The following ZNF804B variants were observed in gnomAD, a reference collection of about 807,000 sequenced individuals.
ZNF804B encodes zinc finger protein 804B.
A neutral mutation model predicts 101.4 loss-of-function variants in ZNF804B; 80 were observed. That is an observed-to-expected ratio of 0.79 (90% CI 0.66 to 0.95). ZNF804B has a LOEUF of 0.95. Ranked by LOEUF, ZNF804B falls within the 40% of genes least tolerant of loss-of-function variation. The pLI, the probability that ZNF804B is intolerant of heterozygous loss-of-function variation, is 0.00. For missense variants in ZNF804B, 1,673 were observed against 1,561.9 expected (o/e 1.07, Z -1.20); for synonymous variants, 622 against 558.8 (o/e 1.11, Z -1.59).
chr7:88,889,967 G>T (rs140743932), intron 1 of ZNF804B, among the ~76,000 whole-genome samples: 192 of 152,166 alleles, frequency 1.3e-3, no homozygotes, highest in African/African-American at 4.5e-3. Context: ...TGAGAGATAG[G>T]GGTCTAGTTT....
intron 1 of ZNF804B, among the ~76,000 whole-genome samples, chr7:89,146,832 G>C (rs1174732671): frequency 6.6e-6 from 1 of 151,736 alleles, no homozygotes; most frequent in African/African-American, 2.4e-5. Context: ...TTCAAGACCA[G>C]CATGGGCAAT....
At chr7:88,885,271 C>A (rs1189236670) in intron 1 of ZNF804B, among the ~76,000 whole-genome samples, 1 of 151,626 alleles carries the variant, frequency 6.6e-6, no homozygotes, top group African/African-American at 2.4e-5. Flanking sequence ...TTGTTTTTCC[C>A]TGAGTATTGA....
Position 89,334,967 on chromosome 7 carries a change from CAGT to C in ZNF804B, c.1988_1990del (p.Val663del). On this transcript the variant is annotated inframe_deletion, in exon 4 of 4. Transcript: ENST00000333190. ...TTCAACTGCAAGTCCAGTCCTTGTA[CAGT>C]AGGGGGTCACAGTGACCATGGGAAA... 1 of 1,613,842 alleles carries C rather than the reference CAGT, an allele frequency of 6.2e-7. No homozygotes were observed. The highest frequency in any genetic ancestry group is 8.5e-7 in the Non-Finnish European group (1 of 1,179,868).
intron 2 of ZNF804B, among the ~76,000 whole-genome samples, chr7:89,295,878 T>A (rs1790374438): frequency 2.6e-5 from 4 of 152,098 alleles, no homozygotes; most frequent in Admixed American, 2.6e-4. Flanking sequence ...TGGAGGACAC[T>A]ATTCTAAGTA....
chr7:89,307,592 C>T (rs992634134), intron 2 of ZNF804B, among the ~76,000 whole-genome samples: 11 of 151,866 alleles, frequency 7.2e-5, no homozygotes, highest in African/African-American at 2.4e-4. Flanking sequence ...AGAGATTTTG[C>T]ATTAACTAAA....
chr7:88,962,527 A>G (rs540179413), intron 1 of ZNF804B, among the ~76,000 whole-genome samples: 1 of 150,932 alleles, frequency 6.6e-6, no homozygotes, highest in East Asian at 2.0e-4. Context: ...ATCGATAATT[A>G]GAAGGAACAT....
At chr7:89,135,475 T>C (rs1790617514) in intron 1 of ZNF804B, among the ~76,000 whole-genome samples, 1 of 152,126 alleles carries the variant, frequency 6.6e-6, no homozygotes, top group Admixed American at 6.6e-5. Context: ...TTTATCACAT[T>C]TTTTTACTTT....
At chr7:89,162,744 G>T (rs1322557293) in intron 1 of ZNF804B, among the ~76,000 whole-genome samples, 2 of 150,360 alleles carry the variant, frequency 1.3e-5, no homozygotes, top group Non-Finnish European at 3.0e-5. Flanking sequence ...ATGCTGGTGC[G>T]CTGCACCCAC....
chr7:89,316,824 AC>A (rs1170086024), intron 2 of ZNF804B, among the ~76,000 whole-genome samples: 2 of 151,988 alleles, frequency 1.3e-5, no homozygotes, highest in Non-Finnish European at 2.9e-5. Flanking sequence ...TCTGAGCAGC[AC>A]GGAGGCATGA....
At chr7:89,191,782 T>A (rs1238592612) in intron 1 of ZNF804B, among the ~76,000 whole-genome samples, 1 of 152,092 alleles carries the variant, frequency 6.6e-6, no homozygotes, top group Non-Finnish European at 1.5e-5. Context: ...CGGAGAAAAT[T>A]AATTGCCTGA....
At chr7:89,098,775 G>T (rs575168327) in intron 1 of ZNF804B, among the ~76,000 whole-genome samples, 3 of 151,894 alleles carry the variant, frequency 2.0e-5, no homozygotes, top group Non-Finnish European at 4.4e-5. Context: ...TTTAAATGGG[G>T]ATGAAGGAGA....
intron 1 of ZNF804B, among the ~76,000 whole-genome samples, chr7:89,080,734 A>G (rs1029119710): frequency 6.6e-6 from 1 of 151,940 alleles, no homozygotes; most frequent in Admixed American, 6.6e-5. Context: ...ATCCCAAGGA[A>G]TAGGAGGTGA....
intron 1 of ZNF804B, among the ~76,000 whole-genome samples, chr7:88,937,424 A>G (rs1457988596): frequency 6.6e-6 from 1 of 152,102 alleles, no homozygotes; most frequent in Non-Finnish European, 1.5e-5. Context: ...ATCGACCTGC[A>G]AAATATTAGG....
At chr7:88,833,362 G>C (rs78140387) in intron 1 of ZNF804B, among the ~76,000 whole-genome samples, 2 of 151,684 alleles carry the variant, frequency 1.3e-5, no homozygotes, top group Admixed American at 6.6e-5. Context: ...TTTCTAATCC[G>C]TAAAATGGGA....
At chr7:89,147,083 GTATA>G (rs147620052) in intron 1 of ZNF804B, among the ~76,000 whole-genome samples, 6 of 140,176 alleles carry the variant, frequency 4.3e-5, no homozygotes, top group Admixed American at 1.4e-4. Flanking sequence ...GGATAATCAG[GTATA>G]TATATATATA....
At chr7:89,218,942 G>C (rs927555667) in intron 2 of ZNF804B, among the ~76,000 whole-genome samples, 5 of 151,944 alleles carry the variant, frequency 3.3e-5, no homozygotes, top group African/African-American at 1.2e-4. Context: ...GGGTGGCAGA[G>C]GTCAAAGAAA....
Position 89,334,726 on chromosome 7 carries a change from C to G in ZNF804B, c.1744C>G (p.Leu582Val). The G allele has an allele frequency of 6.2e-7, 1 of 1,613,756 alleles. No homozygotes were observed. The highest frequency in any genetic ancestry group is 8.5e-7 in the Non-Finnish European group (1 of 1,179,854). The change falls in exon 4 of 4, where the codon CTT becomes GTT. Residue 582 changes from leucine (L) to valine (V), a missense_variant. Physicochemically the swap from Leu to Val is conservative, Grantham distance 32. Transcript: ENST00000333190. ...DLEMKNPKVPLYLNTSLKDCA... is the reference protein window; with the variant it reads ...DLEMKNPKVPVYLNTSLKDCA... Reference sequence around the variant, plus strand: ...GGAAATGAAAAATCCTAAAGTGCCTCTTTACCTCAACACATCTCTAAAGGA... The same window carrying G: ...GGAAATGAAAAATCCTAAAGTGCCTGTTTACCTCAACACATCTCTAAAGGA...
At chr7:89,218,923 C>T (rs1211000246) in intron 2 of ZNF804B, among the ~76,000 whole-genome samples, 2 of 152,000 alleles carry the variant, frequency 1.3e-5, no homozygotes, top group Admixed American at 6.6e-5. Flanking sequence ...GTTGGTCTTG[C>T]TGTCTCAGGG....
chr7:88,763,032 T>C (rs186803704), intron 1 of ZNF804B, among the ~76,000 whole-genome samples: 2 of 152,186 alleles, frequency 1.3e-5, no homozygotes, highest in African/African-American at 4.8e-5. Context: ...AATCCCTTTT[T>C]GACATAATAA....
Sources: gnomAD v4.1 joint callset for allele counts (sites outside exome capture counted in the v4.1 genomes callset) on GRCh38, gnomAD v4.1.1 for gene constraint, MANE v1.5 for transcripts, NCBI Gene and HGNC (gene_info 2026-07-23, HGNC 2026-07-21) for gene names.